CFAP251: variants seen among roughly 807,000 people sequenced by gnomAD.
CFAP251 encodes the protein cilia and flagella associated protein 251.
In CFAP251, 93 loss-of-function variants were observed where a neutral mutation model predicts 126.7. The observed-to-expected ratio is 0.73, with a 90% CI of 0.62 to 0.87. CFAP251 has a LOEUF of 0.87. Ranked by LOEUF, CFAP251 falls within the 40% of genes least tolerant of loss-of-function variation. The probability of loss-of-function intolerance (pLI) is 0.00; values close to 1 mark genes in which losing one functional copy is unlikely to be tolerated. For missense variants in CFAP251, 1,287 were observed against 1,389.2 expected, an observed-to-expected ratio of 0.93 and a Z score of 1.17; for synonymous variants, 503 against 506.9, an observed-to-expected ratio of 0.99 and a Z score of 0.10.
rs771597061 is a variant in CFAP251, at chr12:122,003,776, A to T, written c.*12A>T. ...AGGATGGTCAGTGAAGTTACCAGGA[A>T]TGTTTAAAGCACAAAGGACTTTGGG... On this transcript the variant is annotated 3_prime_UTR_variant, in exon 22 of 22. Coordinates refer to ENST00000288912, the MANE Select transcript of CFAP251 (RefSeq NM_144668.6). 6.3e-7 allele frequency: 1 copy of T among 1,594,816 alleles called. No individual in the cohort carries two copies. The highest frequency in any genetic ancestry group is 8.5e-7 in the Non-Finnish European group (1 of 1,173,070).
intron 7 of CFAP251, among the ~76,000 whole-genome samples, chr12:121,944,247 C>T (rs185976721): frequency 9.5e-4 from 145 of 152,298 alleles, no homozygotes; most frequent in Non-Finnish European, 1.8e-3. Flanking sequence ...GTTTGGGTGA[C>T]TAGACTCAGC....
At chr12:121,967,668 G>C (rs558547561) in intron 16 of CFAP251, among the ~76,000 whole-genome samples, 25 of 152,282 alleles carry the variant, frequency 1.6e-4, no homozygotes, top group Non-Finnish European at 3.2e-4. Flanking sequence ...CGCCACTGCA[G>C]TCCAGCCTGG....
Position 121,928,246 on chromosome 12 carries a change from TA to T in CFAP251, c.748-3498del, listed in dbSNP as rs1371237859. On this transcript the variant is annotated intron_variant, in intron 3 of 21. Coordinates refer to ENST00000288912, the MANE Select transcript of CFAP251 (RefSeq NM_144668.6). ...AATTTCATTTGAATAAATCAGCTTTTAAGAAACAGCCAAATATTAAATAATT... is the reference window on the plus strand; with the variant it reads ...AATTTCATTTGAATAAATCAGCTTTTAGAAACAGCCAAATATTAAATAATT... Among the ~76,000 whole-genome samples the T allele has an allele frequency of 2.6e-5, 4 of 152,288 alleles. 1 individual carries two copies. Among genetic ancestry groups the T allele is most frequent in the Middle Eastern group, 6.8e-3 (2 of 294 alleles).
chr12:121,968,388 A>T (rs1021733491), intron 17 of CFAP251, among the ~76,000 whole-genome samples: 8 of 152,162 alleles, frequency 5.3e-5, no homozygotes, highest in African/African-American at 1.9e-4. Flanking sequence ...AGGCGATGTG[A>T]CAGCACCTTG....
intron 16 of CFAP251, 79 bp downstream of exon 16, chr12:121,967,148 C>T (rs1398393989): frequency 7.4e-7 from 1 of 1,356,510 alleles, no homozygotes; most frequent in African/African-American, 1.4e-5. Context: ...GATCACGAGA[C>T]TCAGAGAGTT....
intron 5 of CFAP251, among the ~76,000 whole-genome samples, chr12:121,936,812 G>T (rs914227021): frequency 6.6e-6 from 1 of 152,172 alleles, no homozygotes; most frequent in African/African-American, 2.4e-5. Context: ...AGCCGTGCTG[G>T]GCAGGGTGGG....
Position 121,951,490 on chromosome 12 carries a change from G to A in CFAP251, c.1280G>A (p.Arg427Lys). The A allele has an allele frequency of 6.3e-7, 1 of 1,581,414 alleles. No homozygotes were observed. The part of the protein sequence containing the change: ...RAIYYAWYEE[R>K]DTLAHSAPLL... Reference sequence around the variant, plus strand: ...TTTTCCTCTTATCAGTATGAAGAGAGGGATACACTGGCTCACAGTGCCCCA... The same window carrying A: ...TTTTCCTCTTATCAGTATGAAGAGAAGGATACACTGGCTCACAGTGCCCCA... Residue 427 changes from arginine to lysine, a missense_variant, in exon 9 of 22, where the codon AGG becomes AAG. Transcript: ENST00000288912.
intron 14 of CFAP251, 117 bp from the exon 15 acceptor site, chr12:121,961,861 C>T (rs967598149): frequency 3.7e-6 from 4 of 1,071,120 alleles, no homozygotes; most frequent in African/African-American, 1.6e-5. Flanking sequence ...CCGTCTCCCC[C>T]AGAACAGCAC....
In CFAP251 at chr12:121,959,095, G is replaced by T. The variant is rs776846544; in HGVS notation, c.2133+1G>T. ...TGACTCCCAGTATATGGCAACTGCTGTAAGTATTTTCATGGACAACCCATC... is the reference window on the plus strand; with the variant it reads ...TGACTCCCAGTATATGGCAACTGCTTTAAGTATTTTCATGGACAACCCATC... On this transcript the variant is annotated splice_donor_variant, in intron 13 of 21. Coordinates refer to ENST00000288912, the MANE Select transcript of CFAP251 (RefSeq NM_144668.6). LOFTEE classifies it high-confidence loss of function. The T allele has an allele frequency of 8.9e-6, 14 of 1,581,300 alleles. No homozygotes were observed. In the Admixed American group the frequency reaches 2.0e-4, roughly 22 times the overall value.
chr12:121,931,600 A>G, intron 3 of CFAP251, 146 bp from the exon 4 acceptor site: 2 of 751,552 alleles, frequency 2.7e-6, no homozygotes, highest in Non-Finnish European at 3.7e-6. Context: ...GGCATGAGCC[A>G]CCACGCCTGG....
At chr12:121,936,671 T>TGTAATCAATGAGAATGCA (rs1286395886) in intron 5 of CFAP251, among the ~76,000 whole-genome samples, 1 of 151,990 alleles carries the variant, frequency 6.6e-6, no homozygotes, top group Non-Finnish European at 1.5e-5. Context: ...TGTGACATGC[T>TGTAATCAATGAGAATGCA]GTAATCAATG....
intron 7 of CFAP251, 130 bp from the exon 8 acceptor site, chr12:121,948,854 A>C (rs576249912): frequency 3.8e-6 from 2 of 531,372 alleles, no homozygotes; most frequent in Admixed American, 8.0e-5. Flanking sequence ...TTTTTTACGA[A>C]ATGCGGTATC....
chr12:121,992,977 C>T (rs1158827658), intron 19 of CFAP251, among the ~76,000 whole-genome samples: 2 of 143,162 alleles, frequency 1.4e-5, no homozygotes, highest in Non-Finnish European at 3.1e-5. Context: ...CCCTCTCCCT[C>T]TCCGTCTCCC....
At chr12:121,929,919 C>A (rs1187573899) in intron 3 of CFAP251, among the ~76,000 whole-genome samples, 1 of 152,166 alleles carries the variant, frequency 6.6e-6, no homozygotes, top group Non-Finnish European at 1.5e-5. Context: ...CTGAGATGAT[C>A]CACCCGCCTC....
intron 19 of CFAP251, among the ~76,000 whole-genome samples, chr12:121,990,967 C>T (rs936833640): frequency 2.0e-5 from 3 of 152,170 alleles, no homozygotes; most frequent in Non-Finnish European, 4.4e-5. Flanking sequence ...AGATTGAAAA[C>T]CAGAATGCAG....
chr12:121,960,782 C>T, intron 14 of CFAP251, 24 bp downstream of exon 14: 1 of 1,610,762 alleles, frequency 6.2e-7, no homozygotes, highest in Non-Finnish European at 8.5e-7. Context: ...TTTTCGTTGA[C>T]CTGGTCGCCA....
chr12:121,999,985 C>A (rs1417913522), intron 20 of CFAP251, 41 bp downstream of exon 20: 4 of 1,550,896 alleles, frequency 2.6e-6, no homozygotes, highest in African/African-American at 1.4e-5. Context: ...ATCCTGGGGC[C>A]ATTCCCAGTG....
intron 7 of CFAP251, among the ~76,000 whole-genome samples, chr12:121,945,294 C>A (rs1399013884): frequency 6.6e-6 from 1 of 152,130 alleles, no homozygotes; most frequent in Non-Finnish European, 1.5e-5. Context: ...CTTCCCACAG[C>A]AGTCAGACTG....
At chr12:121,937,928 G>A (rs367964065) in intron 5 of CFAP251, among the ~76,000 whole-genome samples, 16 of 152,158 alleles carry the variant, frequency 1.1e-4, no homozygotes, top group East Asian at 5.8e-4. Flanking sequence ...GGTGTGGCAC[G>A]TGTCCTTTCT....
Sources: allele counts gnomAD v4.1 joint callset (sites outside exome capture counted in the v4.1 genomes callset), GRCh38; gene constraint gnomAD v4.1.1; transcripts MANE v1.5; gene names NCBI Gene and HGNC (gene_info 2026-07-23, HGNC 2026-07-21).